The following LRBA variants were observed in gnomAD, a reference collection of about 807,000 sequenced individuals.
The protein encoded by LRBA is lipopolysaccharide-responsive and beige-like anchor protein.
LRBA carries 176 observed loss-of-function variants against 330.0 expected under a neutral mutation model. The observed-to-expected ratio is 0.53, with a 90% CI of 0.47 to 0.60. The LOEUF (loss-of-function observed/expected upper bound fraction) is 0.60. Ranked by LOEUF, LRBA falls within the 20% of genes least tolerant of loss-of-function variation. The pLI, the probability that LRBA is intolerant of heterozygous loss-of-function variation, is 0.00. For missense variants in LRBA, 3,259 were observed against 3,444.8 expected (o/e 0.95, Z 1.35); for synonymous variants, 1,230 against 1,193.0 (o/e 1.03, Z -0.64).
chr4:150,532,809 G>T (rs1764188149), intron 40 of LRBA, among the ~76,000 whole-genome samples: 1 of 151,164 alleles, frequency 6.6e-6, no homozygotes, highest in Non-Finnish European at 1.5e-5. Flanking sequence ...GTTTTCAAAA[G>T]AAAAAAGAAA....
Position 150,958,142 on chromosome 4 carries a change from T to C in LRBA, c.217-29077A>G, listed in dbSNP as rs1579319851. 4.7e-5 allele frequency among the ~76,000 whole-genome samples: 7 copies of C among 149,088 alleles called. No homozygotes were observed. In the South Asian group the frequency reaches 1.2e-3, roughly 26 times the overall value. On this transcript the variant is annotated intron_variant, in intron 2 of 56. Transcript: ENST00000651943. ...TGTACCCCACATTTCCCTTCCACAG[T>C]GTCTTAGCAGAGGTTCTCTGTGAGG...
chr4:150,419,633 CTTTTTTTTTTTT>C (rs780382905), intron 46 of LRBA, among the ~76,000 whole-genome samples: 2 of 96,990 alleles, frequency 2.1e-5, no homozygotes, highest in African/African-American at 3.8e-5. Context: ...CTGATAATAT[CTTTTTTTTTTTT>C]TTTTTTTTTT....
chr4:150,587,136 T>C (rs1245535582), intron 40 of LRBA, among the ~76,000 whole-genome samples: 2 of 152,192 alleles, frequency 1.3e-5, no homozygotes, highest in Non-Finnish European at 2.9e-5. Flanking sequence ...TTTGTTTGTA[T>C]AGTTTTAAAC....
rs757002725 is a variant in LRBA at position 150,828,355 on chromosome 4, C to T, written c.4996G>A (p.Ala1666Thr). Residue 1666 changes from alanine (A) to threonine (T), a missense_variant, in exon 30 of 57, where the codon GCT becomes ACT. Ala to Thr is a moderately conservative substitution (Grantham distance 58). Coordinates refer to ENST00000651943, the MANE Select transcript of LRBA (RefSeq NM_001364905.1). ...TTTGAAACTGAAACTGACGGTGTAG[C>T]CTTAGTGTCCAAGTCATTTCCTCTA... ...NDRGNDLDTKATPSVSVSKNV... is the reference protein window; with the variant it reads ...NDRGNDLDTKTTPSVSVSKNV... 7 of 1,613,946 alleles carry T rather than the reference C, an allele frequency of 4.3e-6. No individual in the cohort carries two copies. The highest frequency in any genetic ancestry group is 5.9e-6 in the Non-Finnish European group (7 of 1,180,004).
intron 42 of LRBA, among the ~76,000 whole-genome samples, chr4:150,473,105 T>C: frequency 6.6e-6 from 1 of 152,204 alleles, no homozygotes; most frequent in East Asian, 1.9e-4. Context: ...ATCAATAATG[T>C]ATACATTCAT....
In LRBA at chr4:150,313,010, T is replaced by A. The variant is rs186106747; in HGVS notation, c.7693+2551A>T. On this transcript the variant is annotated intron_variant, in intron 51 of 56. Coordinates refer to ENST00000651943, the MANE Select transcript of LRBA (RefSeq NM_001364905.1). ...ATAAATACATTAATATTTGTAATAA[T>A]CACTCAATACAGATAAACTTATTTT... is the stretch of plus-strand genomic sequence containing the variant. 3.3e-5 allele frequency among the ~76,000 whole-genome samples: 5 copies of A among 151,988 alleles called. No individual in the cohort carries two copies. In the East Asian group the frequency reaches 9.6e-4, roughly 29 times the overall value.
chr4:150,791,627 C>T (rs559204908), intron 34 of LRBA, among the ~76,000 whole-genome samples: 7 of 152,214 alleles, frequency 4.6e-5, no homozygotes, highest in African/African-American at 1.7e-4. Flanking sequence ...GCCTGATTGA[C>T]CATAAAACTG....
At chr4:151,014,168 T>C (rs1745167170) in intron 2 of LRBA, 1 of 345,916 alleles carries the variant, frequency 2.9e-6, no homozygotes, top group Non-Finnish European at 5.2e-6. Context: ...CTCCCCCCAA[T>C]ACTTCCATAG....
At position 150,490,965 on chromosome 4, in the gene LRBA, C is replaced by G. The variant is rs1487487615; in HGVS notation, c.6401G>C (p.Arg2134Pro). 1 of 1,609,552 alleles carries G rather than the reference C, an allele frequency of 6.2e-7. No individual in the cohort carries two copies. Among genetic ancestry groups the G allele is most frequent in the Admixed American group, 1.7e-5 (1 of 59,888 alleles). Residue 2134 changes from arginine to proline, a missense_variant, in exon 41 of 57, where the codon CGT becomes CCT. Transcript: ENST00000651943. The stretch of plus-strand genomic sequence containing the variant: ...CAGGGCTGTATTTTGCAAAAGATAA[C>G]GACGAGAAAAGATTGATCGTATCTC... Reference protein sequence around the residue: ...FTEIRSIFSRRYLLQNTALEI... With the variant: ...FTEIRSIFSRPYLLQNTALEI...
intron 37 of LRBA, among the ~76,000 whole-genome samples, chr4:150,639,736 AATATATATATATATATATATATATATAT>A (rs1212252752): frequency 0.17 from 8,699 of 50,904 alleles, 3,194 homozygotes; most frequent in Non-Finnish European, 0.2. Context: ...CTATGCCCCA[AATATATATATATATATATATATATATAT>A]ATATATATAT....
intron 48 of LRBA, among the ~76,000 whole-genome samples, chr4:150,327,934 G>A (rs1396012796): frequency 6.6e-6 from 1 of 151,968 alleles, no homozygotes; most frequent in Non-Finnish European, 1.5e-5. Context: ...TATACCACAG[G>A]GCTAAGAGCC....
intron 40 of LRBA, among the ~76,000 whole-genome samples, chr4:150,549,742 C>T (rs902002592): frequency 6.6e-6 from 1 of 152,200 alleles, no homozygotes; most frequent in Non-Finnish European, 1.5e-5. Flanking sequence ...GTTTTCATAA[C>T]AACCTTGGAG....
rs531906634 is a variant in LRBA, at chr4:150,476,562, C to T, written c.6552-4823G>A. On this transcript the variant is annotated intron_variant, in intron 42 of 56. Coordinates refer to ENST00000651943, the MANE Select transcript of LRBA (RefSeq NM_001364905.1). ...CCACTCTAGCCACACAGCCTAAGCT[C>T]ACTCCCTTCTCTGTACCTCTCTAAG... Among the ~76,000 whole-genome samples, 12 of 152,268 alleles carry T rather than the reference C, an allele frequency of 7.9e-5. No individual in the cohort carries two copies. The East Asian group carries it at 2.1e-3, about 27-fold the overall frequency.
chr4:150,931,357 C>A (rs575626406), intron 2 of LRBA, among the ~76,000 whole-genome samples: 14 of 151,164 alleles, frequency 9.3e-5, no homozygotes, highest in African/African-American at 3.4e-4. Context: ...GCTTGGCTGA[C>A]GGTGGTGGTT....
intron 44 of LRBA, among the ~76,000 whole-genome samples, chr4:150,446,583 C>T (rs997246478): frequency 1.3e-5 from 2 of 152,188 alleles, no homozygotes; most frequent in Non-Finnish European, 2.9e-5. Flanking sequence ...CAATGATATT[C>T]AACCTCTAAA....
chr4:150,574,166 C>T (rs1038523075), intron 40 of LRBA, among the ~76,000 whole-genome samples: 6 of 152,014 alleles, frequency 3.9e-5, no homozygotes, highest in African/African-American at 1.4e-4. Context: ...GATTCAACCC[C>T]TATCAAGCAA....
At chr4:150,546,119 G>C (rs955813345) in intron 40 of LRBA, among the ~76,000 whole-genome samples, 2 of 152,114 alleles carry the variant, frequency 1.3e-5, no homozygotes, top group African/African-American at 4.8e-5. Flanking sequence ...TTTTGCAAAA[G>C]TAATGCTATT....
chr4:150,928,477 C>T (rs756964901), intron 4 of LRBA, 39 bp downstream of exon 4: 4 of 1,241,058 alleles, frequency 3.2e-6, no homozygotes, highest in South Asian at 1.2e-5. Flanking sequence ...TTGGGAGGAG[C>T]ATACTTTAAA....
chr4:150,841,799 C>G (rs538897250), intron 28 of LRBA, among the ~76,000 whole-genome samples: 1 of 151,928 alleles, frequency 6.6e-6, no homozygotes, highest in African/African-American at 2.4e-5. Flanking sequence ...ACTACAGGCA[C>G]CCACAACCAT....
Sources: allele counts gnomAD v4.1 joint callset (sites outside exome capture counted in the v4.1 genomes callset), GRCh38; gene constraint gnomAD v4.1.1; transcripts MANE v1.5; gene names NCBI Gene and HGNC (gene_info 2026-07-23, HGNC 2026-07-21).